Variants in METTL8 observed in about 807,000 individuals in gnomAD.
METTL8 encodes tRNA N(3)-cytidine methyltransferase METTL8, mitochondrial.
Under a neutral mutation model 48.7 loss-of-function variants are expected in METTL8, and 32 were observed. The observed-to-expected ratio is 0.66, with a 90% CI of 0.50 to 0.88. METTL8 has a LOEUF of 0.88. METTL8 is among the 40% of genes least tolerant of loss of function. The pLI, the probability that METTL8 is intolerant of heterozygous loss-of-function variation, is 0.00. For missense variants in METTL8, 464 were observed against 474.4 expected (o/e 0.98, Z 0.20); for synonymous variants, 136 against 157.1 (o/e 0.87, Z 1.01).
intron 3 of METTL8, among the ~76,000 whole-genome samples, chr2:171,359,501 T>C (rs1280938201): frequency 6.6e-6 from 1 of 152,108 alleles, no homozygotes; most frequent in East Asian, 1.9e-4. Context: ...CATCCACCAA[T>C]GCCACTACTG....
At chr2:171,403,183 G>C (rs1469901934) in intron 1 of METTL8, among the ~76,000 whole-genome samples, 1 of 152,094 alleles carries the variant, frequency 6.6e-6, no homozygotes, top group African/African-American at 2.4e-5. Context: ...GTGTGGAAAG[G>C]GGGAAAAATA....
intron 1 of METTL8, among the ~76,000 whole-genome samples, chr2:171,407,015 G>C (rs928908712): frequency 5.3e-5 from 8 of 152,102 alleles, no homozygotes; most frequent in African/African-American, 1.9e-4. Context: ...TATTTGGTTT[G>C]ATCTGGATTA....
chr2:171,367,341 C>T (rs1031165918), intron 2 of METTL8, among the ~76,000 whole-genome samples: 6 of 152,030 alleles, frequency 3.9e-5, no homozygotes, highest in Admixed American at 1.3e-4. Context: ...CAGAAACAAT[C>T]ATAATGAAGG....
chr2:171,378,430 A>C (rs1687186247), intron 2 of METTL8, among the ~76,000 whole-genome samples: 1 of 152,110 alleles, frequency 6.6e-6, no homozygotes, highest in African/African-American at 2.4e-5. Flanking sequence ...TCAGGAGTCC[A>C]AGACCAGCCT....
intron 3 of METTL8, among the ~76,000 whole-genome samples, chr2:171,347,339 T>TATAGTTTCGGA (rs1683380706): frequency 6.6e-6 from 1 of 152,220 alleles, no homozygotes; most frequent in Admixed American, 6.5e-5. Flanking sequence ...TCACACTACG[T>TATAGTTTCGGA]ACGGTTCTAT....
At chr2:171,378,553 A>T (rs569352114) in intron 2 of METTL8, among the ~76,000 whole-genome samples, 1 of 152,104 alleles carries the variant, frequency 6.6e-6, no homozygotes, top group Non-Finnish European at 1.5e-5. Context: ...AATTGCTTGA[A>T]CCCGGGAGGT....
At chr2:171,407,154 G>A (rs1467304187) in intron 1 of METTL8, among the ~76,000 whole-genome samples, 3 of 152,130 alleles carry the variant, frequency 2.0e-5, no homozygotes, top group Non-Finnish European at 4.4e-5. Context: ...GGGAAGAGGA[G>A]GGTAGAAGGA....
intron 3 of METTL8, among the ~76,000 whole-genome samples, chr2:171,346,643 T>C (rs569019172): frequency 6.6e-6 from 1 of 152,274 alleles, no homozygotes; most frequent in East Asian, 1.9e-4. Context: ...AATCTGCATA[T>C]AGAATACTCT....
chr2:171,360,359 C>T, intron 3 of METTL8, 63 bp downstream of exon 3: 1 of 1,374,936 alleles, frequency 7.3e-7, no homozygotes, highest in South Asian at 1.2e-5. Context: ...GAAGCAATGA[C>T]ACGAGGAGGA....
intron 3 of METTL8, 149 bp downstream of exon 3, chr2:171,360,273 C>T: frequency 3.3e-6 from 2 of 615,358 alleles, no homozygotes; most frequent in South Asian, 4.4e-5. Flanking sequence ...AACTTTGGTC[C>T]CACTACACTG....
At chr2:171,403,094 A>G (rs1689804272) in intron 1 of METTL8, among the ~76,000 whole-genome samples, 1 of 152,110 alleles carries the variant, frequency 6.6e-6, no homozygotes, top group Non-Finnish European at 1.5e-5. Flanking sequence ...GTAAATAAAT[A>G]CTCTTCCCTT....
intron 3 of METTL8, among the ~76,000 whole-genome samples, chr2:171,348,453 C>T (rs531711595): frequency 3.8e-4 from 58 of 152,220 alleles, no homozygotes; most frequent in African/African-American, 1.3e-3. Context: ...GGCTGGATTT[C>T]GACCATAGAC....
chr2:171,360,552 T>C (rs772594856), intron 2 of METTL8, 39 bp from the exon 3 acceptor site: 26 of 1,567,676 alleles, frequency 1.7e-5, no homozygotes, highest in Non-Finnish European at 1.5e-5. Context: ...TGCTTTATCA[T>C]TGAAGAAGGC....
intron 1 of METTL8, among the ~76,000 whole-genome samples, chr2:171,395,156 T>G (rs1203724289): frequency 6.6e-6 from 1 of 152,234 alleles, no homozygotes; most frequent in African/African-American, 2.4e-5. Flanking sequence ...TTTGGCATAC[T>G]CTAATTTGAA....
At position 171,389,340 on chromosome 2, in the gene METTL8, T is replaced by C. The variant is rs150943765; in HGVS notation, c.143+2703A>G. On this transcript the variant is annotated intron_variant, in intron 2 of 9. Transcript: ENST00000375258. ...TTCAAGGCCAGCCTGGGCAACATGG[T>C]GAAACCCCATCTCTACAAAAAATAC... Among the ~76,000 whole-genome samples the C allele has an allele frequency of 6.6e-3, 1,009 of 151,762 alleles. 16 individuals carry two copies. Among genetic ancestry groups the C allele is most frequent in the African/African-American group, 0.023 (952 of 41,388 alleles).
At chr2:171,416,680 T>A (rs372004420) in intron 1 of METTL8, among the ~76,000 whole-genome samples, 1 of 152,236 alleles carries the variant, frequency 6.6e-6, no homozygotes, top group Non-Finnish European at 1.5e-5. Context: ...ACATTCATTT[T>A]CACATCTGAT....
chr2:171,325,512 T>C lies in METTL8; in HGVS notation c.1033+329A>G, dbSNP rs1359765498. Among the ~76,000 whole-genome samples the C allele has an allele frequency of 2.6e-5, 4 of 152,204 alleles. No homozygotes were observed. The East Asian group carries it at 7.7e-4, about 29-fold the overall frequency. On this transcript the variant is annotated intron_variant, in intron 9 of 9. Transcript: ENST00000375258. ...CCAAGATAAGTAATTTTCTATAAAC[T>C]TATCAAATGTCCTCCTTTGGCTGTG...
At chr2:171,326,411 T>C (rs1290779783) in intron 7 of METTL8, 2 of 367,038 alleles carry the variant, frequency 5.4e-6, no homozygotes, top group African/African-American at 2.1e-5. Flanking sequence ...GAGCTTGACG[T>C]ATGATGTCAA....
chr2:171,431,340 C>T (rs901432890), intron 1 of METTL8, among the ~76,000 whole-genome samples: 3 of 152,200 alleles, frequency 2.0e-5, no homozygotes, highest in African/African-American at 7.2e-5. Flanking sequence ...AAATTTGCAC[C>T]TTAAGCCCAG....
Sources: gnomAD v4.1 joint callset for allele counts (sites outside exome capture counted in the v4.1 genomes callset) on GRCh38, gnomAD v4.1.1 for gene constraint, MANE v1.5 for transcripts, NCBI Gene and HGNC (gene_info 2026-07-23, HGNC 2026-07-21) for gene names.